MUC17: variants seen among roughly 807,000 people sequenced by gnomAD.
MUC17 encodes mucin 17, cell surface associated.
MUC17 carries 190 observed loss-of-function variants against 170.3 expected under a neutral mutation model. The ratio of observed to expected loss-of-function variants is 1.12; its 90% CI spans 0.99 to 1.26. MUC17 has a LOEUF of 1.26. Ranked by LOEUF, MUC17 falls within the 50% of genes most tolerant of loss-of-function variation. MUC17 has a pLI of 0.00. For synonymous variants in MUC17, 2,325 were observed against 2,002.5 expected (o/e 1.16, Z -4.30); for missense variants, 6,415 against 5,530.0 (o/e 1.16, Z -5.08).
chr7:101,032,659 A>G lies in MUC17; in HGVS notation c.1243A>G (p.Thr415Ala), dbSNP rs145279256. 10,596 of 1,574,102 alleles carry G rather than the reference A, an allele frequency of 6.7e-3. 51 individuals carry two copies. Among genetic ancestry groups the G allele is most frequent in the Non-Finnish European group, 8.2e-3 (9,475 of 1,153,022 alleles). ...CAGTTCTGAGGCTAGCACCACTTCA[A>G]CAATTCCTGTTGACTCCAAAACTTT... ...VASSEASTTS[T>A]IPVDSKTFVT... The change falls in exon 3 of 13, where the codon ACA becomes GCA. Residue 415 changes from threonine (T) to alanine (A), a missense_variant. Physicochemically the swap from Thr to Ala is moderately conservative, Grantham distance 58 (BLOSUM62 0). Transcript: ENST00000306151.
In MUC17 at chr7:101,040,896, T is replaced by G. The variant is rs978949896; in HGVS notation, c.9480T>G (p.Ser3160Arg). The G allele has an allele frequency of 3.1e-6, 5 of 1,613,332 alleles. No individual in the cohort carries two copies. Among genetic ancestry groups the G allele is most frequent in the Non-Finnish European group, 4.2e-6 (5 of 1,179,850 alleles). The change falls in exon 3 of 13, where the codon AGT becomes AGG. Residue 3160 changes from serine to arginine, a missense_variant. Ser to Arg is a moderately radical substitution (Grantham distance 110, BLOSUM62 -1). Coordinates refer to ENST00000306151, the MANE Select transcript of MUC17 (RefSeq NM_001040105.2). ...CCAGCATGCCAACCTCAACTCCTAG[T>G]GAAGGAAGTACTCCATTAACATATA... Reference protein sequence around the residue: ...EGTSMPTSTPSEGSTPLTYMP... With the variant: ...EGTSMPTSTPREGSTPLTYMP...
At chr7:101,050,733 G>C (rs1794925256) in intron 7 of MUC17, 98 bp downstream of exon 7, 13 of 1,484,378 alleles carry the variant, frequency 8.8e-6, no homozygotes, top group African/African-American at 1.4e-5. Context: ...ATGGTTAATG[G>C]GTGGGTGCAA....
chr7:101,036,353 C>A lies in MUC17; in HGVS notation c.4937C>A (p.Pro1646His), dbSNP rs978970381. Reference protein sequence around the residue: ...IPVSTTPVASPEASTLSTTPV... With the variant: ...IPVSTTPVASHEASTLSTTPV... ...GTCAGCACCACGCCGGTGGCCAGTC[C>A]TGAGGCTAGCACCCTTTCAACAACT... The change falls in exon 3 of 13, where the codon CCT becomes CAT. Residue 1646 changes from proline to histidine, a missense_variant. By Grantham distance (77) the Pro-to-His change is moderately conservative. Coordinates refer to ENST00000306151, the MANE Select transcript of MUC17 (RefSeq NM_001040105.2). 6 of 1,613,492 alleles carry A rather than the reference C, an allele frequency of 3.7e-6. No individual in the cohort carries two copies. The highest frequency in any genetic ancestry group is 5.1e-6 in the Non-Finnish European group (6 of 1,179,804).
Position 101,041,369 on chromosome 7 carries a change from C to G in MUC17, c.9953C>G (p.Ala3318Gly), listed in dbSNP as rs12673753. 28,556 of 1,613,950 alleles carry G rather than the reference C, an allele frequency of 0.018. 517 individuals are homozygous for G. Among genetic ancestry groups the G allele is most frequent in the African/African-American group, 0.076 (5,724 of 74,960 alleles). ...TSTPVTTYSQ[A>G]SSSPPIADGT... Reference sequence around the variant, plus strand: ...ACACCTGTGACCACTTATTCTCAAGCCAGTTCATCTCCTCCAATTGCTGAC... The same window carrying G: ...ACACCTGTGACCACTTATTCTCAAGGCAGTTCATCTCCTCCAATTGCTGAC... Residue 3318 changes from alanine to glycine, a missense_variant, in exon 3 of 13, where the codon GCC (alanine) becomes GGC (glycine). Physicochemically the swap from Ala to Gly is moderately conservative, Grantham distance 60 (BLOSUM62 0). Transcript: ENST00000306151.
intron 11 of MUC17, among the ~76,000 whole-genome samples, chr7:101,055,972 T>C (rs1795036805): frequency 6.6e-6 from 1 of 152,234 alleles, no homozygotes; most frequent in Admixed American, 6.5e-5. Flanking sequence ...ACTTGTGGGA[T>C]GCAGCTACAG....
Position 101,042,824 on chromosome 7 carries a change from C to G in MUC17, c.11408C>G (p.Thr3803Ser). ...SSPTTLEGTTTMPMSTTSERS... is the reference protein window; with the variant it reads ...SSPTTLEGTTSMPMSTTSERS... ...CCTACAACTCTTGAAGGCACCACCACCATGCCTATGTCAACTACGAGTGAA... is the reference window on the plus strand; with the variant it reads ...CCTACAACTCTTGAAGGCACCACCAGCATGCCTATGTCAACTACGAGTGAA... The change falls in exon 3 of 13, where the codon ACC (threonine) becomes AGC (serine). Residue 3803 changes from threonine to serine, a missense_variant. Physicochemically the swap from Thr to Ser is moderately conservative, Grantham distance 58. Coordinates refer to ENST00000306151, the MANE Select transcript of MUC17 (RefSeq NM_001040105.2). 1 of 1,614,202 alleles carries G rather than the reference C, an allele frequency of 6.2e-7. No individual in the cohort carries two copies. Among genetic ancestry groups the G allele is most frequent in the Non-Finnish European group, 8.5e-7 (1 of 1,180,028 alleles).
rs1562815109 is a variant in MUC17, at chr7:101,039,868, A to C, written c.8452A>C (p.Asn2818His). 1 of 1,612,298 alleles carries C rather than the reference A, an allele frequency of 6.2e-7. No individual in the cohort carries two copies. The highest frequency in any genetic ancestry group is 1.1e-5 in the South Asian group (1 of 90,978). The change falls in exon 3 of 13, where the codon AAC (asparagine) becomes CAC (histidine). Residue 2818 changes from asparagine to histidine, a missense_variant. By Grantham distance (68) the Asn-to-His change is moderately conservative (BLOSUM62 1). Coordinates refer to ENST00000306151, the MANE Select transcript of MUC17 (RefSeq NM_001040105.2). The part of the protein sequence containing the change: ...TSTPLTSMPV[N>H]HTPVASSEAG... ...TACTCCATTAACTAGTATGCCTGTC[A>C]ACCACACGCCAGTGGCCAGTTCTGA...
rs758813988 is a variant in MUC17 at position 101,051,893 on chromosome 7, C to T, written c.13034C>T (p.Pro4345Leu). 3 of 1,614,214 alleles carry T rather than the reference C, an allele frequency of 1.9e-6. No individual in the cohort carries two copies. The highest frequency in any genetic ancestry group is 1.1e-5 in the South Asian group (1 of 91,088). The part of the protein sequence containing the change: ...QKPYCISPCE[P>L]GFSVSKNCNL... ...CCATACTGCATCAGCCCCTGTGAGC[C>T]TGGCTTCAGTGTCTCCAAGAACTGT... is the stretch of plus-strand genomic sequence containing the variant. Residue 4345 changes from proline (P) to leucine (L), a missense_variant, in exon 9 of 13, where the codon CCT becomes CTT. By Grantham distance (98) the Pro-to-Leu change is moderately conservative. Transcript: ENST00000306151.
chr7:101,023,254 A>G (rs1435667547), intron 1 of MUC17, among the ~76,000 whole-genome samples: 1 of 152,068 alleles, frequency 6.6e-6, no homozygotes, highest in East Asian at 1.9e-4. Context: ...CAAAAACCCT[A>G]TCTCCAAATA....
At position 101,038,474 on chromosome 7, in the gene MUC17, T is replaced by C. The variant is rs146661852; in HGVS notation, c.7058T>C (p.Phe2353Ser). 30 of 1,594,366 alleles carry C rather than the reference T, an allele frequency of 1.9e-5. No homozygotes were observed. Among genetic ancestry groups the C allele is most frequent in the African/African-American group, 5.6e-5 (4 of 71,382 alleles). Residue 2353 changes from phenylalanine (F) to serine (S), a missense_variant, in exon 3 of 13, where the codon TTT becomes TCT. By Grantham distance (155) the Phe-to-Ser change is radical. Transcript: ENST00000306151. ...MPVSTTMVAS[F>S]ETSTLSTTPA... ...GTCAGCACCACAATGGTGGCCAGTT[T>C]TGAAACAAGCACACTTTCTACAACT... is the stretch of plus-strand genomic sequence containing the variant.
rs749137923 is a variant in MUC17 at position 101,041,945 on chromosome 7, C to T, written c.10529C>T (p.Ser3510Leu). The stretch of plus-strand genomic sequence containing the variant: ...GCTGAAGTTACCAGCATGCCAACAT[C>T]AACTGCTGGTGAAGGAAGCACTCCA... ...TTAEVTSMPTSTAGEGSTPLT... is the reference protein window; with the variant it reads ...TTAEVTSMPTLTAGEGSTPLT... Residue 3510 changes from serine (S) to leucine (L), a missense_variant, in exon 3 of 13, where the codon TCA becomes TTA. Physicochemically the swap from Ser to Leu is moderately radical, Grantham distance 145 (BLOSUM62 -2). Transcript: ENST00000306151. The T allele has an allele frequency of 6.2e-7, 1 of 1,613,190 alleles. No homozygotes were observed. Among genetic ancestry groups the T allele is most frequent in the East Asian group, 2.2e-5 (1 of 44,852 alleles).
chr7:101,057,629 C>G (rs185700637), intron 12 of MUC17, among the ~76,000 whole-genome samples: 1 of 152,248 alleles, frequency 6.6e-6, no homozygotes, highest in East Asian at 1.9e-4. Flanking sequence ...CCTGTAATCC[C>G]GGCACTTGGG....
intron 1 of MUC17, among the ~76,000 whole-genome samples, chr7:101,024,636 G>A (rs1336586397): frequency 6.6e-6 from 1 of 151,468 alleles, no homozygotes; most frequent in Non-Finnish European, 1.5e-5. Context: ...GCTTCAACAT[G>A]AACAATCTAT....
At position 101,058,139 on chromosome 7, in the gene MUC17, T is replaced by TTGA; in HGVS notation, c.*95_*96insTGA. On this transcript the variant is annotated 3_prime_UTR_variant, in exon 13 of 13. Transcript: ENST00000306151. Reference sequence around the variant, plus strand: ...TTGAGAGCCTTCCATGGGAACTCAATGTTCCCATTGTAAGTACAGGAAACA... The same window carrying TTGA: ...TTGAGAGCCTTCCATGGGAACTCAATTGAGTTCCCATTGTAAGTACAGGAAACA... 9.0e-7 allele frequency: 1 copy of TTGA among 1,105,772 alleles called. No individual in the cohort carries two copies. The highest frequency in any genetic ancestry group is 1.4e-6 in the Non-Finnish European group (1 of 723,504). 68.5% of individuals were successfully genotyped at this position (1,105,772 alleles called of 1,614,324 possible).
At position 101,035,989 on chromosome 7, in the gene MUC17, A is replaced by G. The variant is rs532372949; in HGVS notation, c.4573A>G (p.Thr1525Ala). 3.9e-5 allele frequency: 63 copies of G among 1,610,716 alleles called. No individual in the cohort carries two copies. The Admixed American group carries it at 9.9e-4, about 25-fold the overall frequency. Residue 1525 changes from threonine (T) to alanine (A), a missense_variant, in exon 3 of 13, where the codon ACA (threonine) becomes GCA (alanine). Thr to Ala is a moderately conservative substitution (Grantham distance 58, BLOSUM62 0). Transcript: ENST00000306151. ...AACAAGTATACCTGTCAGCACCACA[A>G]CAGTGGCCAGTTCTGAAATCAACAG... ...ALTSIPVSTT[T>A]VASSEINSLS...
Position 101,048,897 on chromosome 7 carries a change from T to A in MUC17, c.12588T>A (p.Ser4196Arg). 6.2e-7 allele frequency: 1 copy of A among 1,613,988 alleles called. No homozygotes were observed. Among genetic ancestry groups the A allele is most frequent in the Non-Finnish European group, 8.5e-7 (1 of 1,179,988 alleles). Residue 4196 changes from serine to arginine, a missense_variant, in exon 5 of 13, where the codon AGT becomes AGA. Physicochemically the swap from Ser to Arg is moderately radical, Grantham distance 110. Transcript: ENST00000306151. ...TGGAACTGACTGTGACAGTGACCAG[T>A]GTGAAGTTCACCGAAGAGCTAAAAA... is the stretch of plus-strand genomic sequence containing the variant. Reference protein sequence around the residue: ...AQMELTVTVTSVKFTEELKNH... With the variant: ...AQMELTVTVTRVKFTEELKNH...
rs1794283600 is a variant in MUC17, at chr7:101,031,755, A to G, written c.339A>G (p.Thr113=). ...TCTCCAGTACCAGGATGACACCAAC[A>G]GAATCCAGAACAACTTCAGAATCTA... ...PGVSSTRMTP[T]ESRTTSESTS... The change falls in exon 3 of 13, where the codon ACA becomes ACG. Residue 113 remains threonine (T), a synonymous_variant. Transcript: ENST00000306151. The G allele has an allele frequency of 6.2e-7, 1 of 1,608,618 alleles. No homozygotes were observed. Among genetic ancestry groups the G allele is most frequent in the Non-Finnish European group, 8.5e-7 (1 of 1,174,904 alleles).
intron 7 of MUC17, among the ~76,000 whole-genome samples, chr7:101,051,245 G>T (rs1405791211): frequency 6.6e-6 from 1 of 151,194 alleles, no homozygotes; most frequent in East Asian, 2.0e-4. Flanking sequence ...GATGCCTGTA[G>T]TTCTAGCTAC....
In MUC17 at chr7:101,032,903, C is replaced by T. The variant is rs769494303; in HGVS notation, c.1487C>T (p.Ala496Val). 6.2e-7 allele frequency: 1 copy of T among 1,613,944 alleles called. No homozygotes were observed. The highest frequency in any genetic ancestry group is 1.1e-5 in the South Asian group (1 of 91,032). ...STEASSSPPT[A>V]EVNSMPTSTP... is the part of the protein sequence containing the mutation. ...GAAGCCAGTTCATCTCCTCCAACTG[C>T]TGAAGTTAACAGCATGCCAACCTCA... is the stretch of plus-strand genomic sequence containing the variant. The change falls in exon 3 of 13, where the codon GCT becomes GTT. Residue 496 changes from alanine (A) to valine (V), a missense_variant. Physicochemically the swap from Ala to Val is moderately conservative, Grantham distance 64 (BLOSUM62 0). Coordinates refer to ENST00000306151, the MANE Select transcript of MUC17 (RefSeq NM_001040105.2).
Sources: gnomAD v4.1 joint callset for allele counts (sites outside exome capture counted in the v4.1 genomes callset) on GRCh38, gnomAD v4.1.1 for gene constraint, MANE v1.5 for transcripts, NCBI Gene and HGNC (gene_info 2026-07-23, HGNC 2026-07-21) for gene names.